The following MUC5B variants were observed in gnomAD, a reference collection of about 807,000 sequenced individuals.
The protein encoded by MUC5B is mucin 5B, oligomeric mucus/gel-forming.
In MUC5B, 116 loss-of-function variants were observed where a neutral mutation model predicts 376.9. The observed-to-expected ratio is 0.31, with a 90% CI of 0.26 to 0.36. The LOEUF (loss-of-function observed/expected upper bound fraction) is 0.36, where lower values mean the gene tolerates loss of function less well. MUC5B is among the 10% of genes least tolerant of loss of function. The pLI, the probability that MUC5B is intolerant of heterozygous loss-of-function variation, is 1.00. For synonymous variants in MUC5B, 3,517 were observed against 3,390.9 expected (o/e 1.04, Z -1.29); for missense variants, 7,165 against 7,769.9 (o/e 0.92, Z 2.93).
rs751955351 is a variant in MUC5B at position 1,227,334 on chromosome 11, C to A, written c.603C>A (p.Asn201Lys). Residue 201 changes from asparagine to lysine, a missense_variant, in exon 6 of 49, where the codon AAC becomes AAA. Asn to Lys is a moderately conservative substitution (Grantham distance 94). Coordinates refer to ENST00000529681, the MANE Select transcript of MUC5B (RefSeq NM_002458.3). ...ALLELDPKYA[N>K]QTCGLCGDFN... ...TGGAGCTGGATCCCAAATACGCCAACCAGACCTGTGGCCTGTGTGGGGACT... is the reference window on the plus strand; with the variant it reads ...TGGAGCTGGATCCCAAATACGCCAAACAGACCTGTGGCCTGTGTGGGGACT... 7 of 1,612,662 alleles carry A rather than the reference C, an allele frequency of 4.3e-6. No homozygotes were observed. In the South Asian group the frequency reaches 7.7e-5, roughly 18 times the overall value.
Position 1,251,301 on chromosome 11 carries a change from C to G in MUC5B, c.14421C>G (p.Ala4807=). Residue 4807 remains alanine, a synonymous_variant, in exon 31 of 49, where the codon GCC becomes GCG. Transcript: ENST00000529681. ...TGACAAGGGCCACCAATTCCACGGC[C>G]ACACCCTCCTCCACTCTGGGGACGA... ...ATMTRATNST[A]TPSSTLGTTR... 1 of 1,611,710 alleles carries G rather than the reference C, an allele frequency of 6.2e-7. No individual in the cohort carries two copies. Among genetic ancestry groups the G allele is most frequent in the South Asian group, 1.1e-5 (1 of 91,040 alleles).
At chr11:1,227,865 C>A in intron 7 of MUC5B, 84 bp downstream of exon 7, 1 of 641,826 alleles carries the variant, frequency 1.6e-6, no homozygotes, top group Non-Finnish European at 2.9e-6. Flanking sequence ...AGGAATGTTC[C>A]CAGCTGGTGG....
rs776789759 is a variant in MUC5B at position 1,249,600 on chromosome 11, C to A, written c.12720C>A (p.Pro4240=). 1.8e-4 allele frequency: 289 copies of A among 1,611,888 alleles called. 1 individual carries two copies. In the South Asian group the frequency reaches 2.9e-3, roughly 16 times the overall value. The change falls in exon 31 of 49, where the codon CCC becomes CCA. Residue 4240 remains proline (P), a synonymous_variant. Transcript: ENST00000529681. ...STPATSSTAM[P]SSTPGTTWIL... ...CGGCCACCAGCTCTACGGCCATGCC[C>A]TCCTCCACTCCGGGGACGACCTGGA... is the stretch of plus-strand genomic sequence containing the variant.
intron 1 of MUC5B, among the ~76,000 whole-genome samples, chr11:1,224,013 G>A (rs1035099908): frequency 1.3e-5 from 2 of 152,266 alleles, no homozygotes; most frequent in Non-Finnish European, 2.9e-5. Context: ...GGTCAGCAGG[G>A]CTGGAGGCAG....
rs1862518768 is a variant in MUC5B at position 1,247,396 on chromosome 11, A to C, written c.10516A>C (p.Thr3506Pro). The C allele has an allele frequency of 1.9e-6, 3 of 1,606,832 alleles. No homozygotes were observed. Among genetic ancestry groups the C allele is most frequent in the South Asian group, 2.2e-5 (2 of 90,652 alleles). The change falls in exon 31 of 49, where the codon ACT becomes CCT. Residue 3506 changes from threonine (T) to proline (P), a missense_variant. Around this residue, in one of 31 missense-constraint regions of MUC5B, gnomAD observed 939 missense variants for 770.6 expected, o/e 1.22. Transcript: ENST00000529681. ...AACCACCAGTACCACCCAGCACTCG[A>C]CTCCAGCCCTGTCCAGCCCTCACCC... is the stretch of plus-strand genomic sequence containing the variant. ...AATTSTTQHSTPALSSPHPSS... is the reference protein window; with the variant it reads ...AATTSTTQHSPPALSSPHPSS...
chr11:1,250,178 C>A lies in MUC5B; in HGVS notation c.13298C>A (p.Ser4433Tyr). ...ACCACAACAGCCACTACGACTGCGT[C>A]CACTGGATCCACGGCCACCCCGTCC... ...ELTTTATTTA[S>Y]TGSTATPSST... Residue 4433 changes from serine to tyrosine, a missense_variant, in exon 31 of 49, where the codon TCC becomes TAC. Physicochemically the swap from Ser to Tyr is moderately radical, Grantham distance 144. Around this residue, in one of 31 missense-constraint regions of MUC5B, gnomAD observed 431 missense variants for 390.4 expected, o/e 1.10. Coordinates refer to ENST00000529681, the MANE Select transcript of MUC5B (RefSeq NM_002458.3). 6.3e-7 allele frequency: 1 copy of A among 1,588,820 alleles called. No homozygotes were observed. The highest frequency in any genetic ancestry group is 8.6e-7 in the Non-Finnish European group (1 of 1,160,332).
At chr11:1,252,659 CAG>C in intron 32 of MUC5B, 135 bp downstream of exon 32, 4 of 1,370,416 alleles carry the variant, frequency 2.9e-6, no homozygotes, top group Non-Finnish European at 3.9e-6. Flanking sequence ...AGGAGGCACA[CAG>C]GGCCTAGGGG....
In MUC5B at chr11:1,261,835, G is replaced by C; in HGVS notation, c.*227G>C. The C allele has an allele frequency of 1.4e-6, 1 of 697,190 alleles. No homozygotes were observed. Among genetic ancestry groups the C allele is most frequent in the Non-Finnish European group, 2.6e-6 (1 of 382,422 alleles). The allele number at this position is 697,190 out of a possible 1,614,324, so 43.2% of individuals were successfully genotyped here. On this transcript the variant is annotated 3_prime_UTR_variant, in exon 49 of 49. Coordinates refer to ENST00000529681, the MANE Select transcript of MUC5B (RefSeq NM_002458.3). ...CACTCAGGAGTCCTACCCTGGGAGA[G>C]CCTGTGGCCCACCTTGGCCTTGCCC...
At chr11:1,252,676 G>A in intron 32 of MUC5B, 133 bp from the exon 33 acceptor site, 1 of 1,399,712 alleles carries the variant, frequency 7.1e-7, no homozygotes, top group Non-Finnish European at 9.6e-7. Flanking sequence ...TAGGGGCCAG[G>A]CTAGCATGGG....
chr11:1,250,764 C>T lies in MUC5B; in HGVS notation c.13884C>T (p.Thr4628=), dbSNP rs369165890. ...GCACAACCACCACACCCACAACCAC[C>T]ACACCCACAACCAGTGGCTCCACGG... The part of the protein sequence containing the change: ...WISTTTTPTT[T]TPTTSGSTVT... Residue 4628 remains threonine (T), a synonymous_variant, in exon 31 of 49, where the codon ACC becomes ACT. Coordinates refer to ENST00000529681, the MANE Select transcript of MUC5B (RefSeq NM_002458.3). 2 of 1,612,294 alleles carry T rather than the reference C, an allele frequency of 1.2e-6. No homozygotes were observed. The highest frequency in any genetic ancestry group is 1.7e-5 in the Admixed American group (1 of 59,936).
rs750432417 is a variant in MUC5B, at chr11:1,251,366, C to A, written c.14486C>A (p.Thr4829Asn). ...LTELTTTATTTAATGSTATLS... is the reference protein window; with the variant it reads ...LTELTTTATTNAATGSTATLS... ...GAGCTGACCACAACAGCCACTACAA[C>A]TGCAGCCACTGGATCCACGGCCACC... is the stretch of plus-strand genomic sequence containing the variant. The change falls in exon 31 of 49, where the codon ACT becomes AAT. Residue 4829 changes from threonine (T) to asparagine (N), a missense_variant. This residue lies in a region of MUC5B where 730 missense variants were observed against 592.7 expected (regional missense o/e 1.23). Coordinates refer to ENST00000529681, the MANE Select transcript of MUC5B (RefSeq NM_002458.3). 1 of 1,608,626 alleles carries A rather than the reference C, an allele frequency of 6.2e-7. No individual in the cohort carries two copies. The highest frequency in any genetic ancestry group is 8.5e-7 in the Non-Finnish European group (1 of 1,176,796).
In MUC5B at chr11:1,242,165, C is replaced by T. The variant is rs61732932; in HGVS notation, c.5285C>T (p.Thr1762Met). The change falls in exon 31 of 49, where the codon ACG becomes ATG. Residue 1762 changes from threonine (T) to methionine (M), a missense_variant. Thr to Met is a moderately conservative substitution (Grantham distance 81). Coordinates refer to ENST00000529681, the MANE Select transcript of MUC5B (RefSeq NM_002458.3). ...TCCACCTCTCAGGCCGAGACCAGCA[C>T]GCCCAGGACAGAGACGACAATGAGC... ...ELSTSQAETS[T>M]PRTETTMSPL... is the part of the protein sequence containing the mutation. The T allele has an allele frequency of 9.2e-4, 1,488 of 1,613,544 alleles. 13 individuals carry two copies. In the African/African-American group the frequency reaches 0.017, roughly 19 times the overall value.
Position 1,250,042 on chromosome 11 carries a change from A to T in MUC5B, c.13162A>T (p.Thr4388Ser), listed in dbSNP as rs1419437816. The T allele has an allele frequency of 4.3e-6, 7 of 1,611,422 alleles. No individual in the cohort carries two copies. The African/African-American group carries it at 9.4e-5, about 22-fold the overall frequency. ...GTCCACCCCCTCCTCCACTCCGGGG[A>T]CGACCTGGATCCTCACAGAGCTGAC... Reference protein sequence around the residue: ...STSTPSSTPGTTWILTELTTA... With the variant: ...STSTPSSTPGSTWILTELTTA... The change falls in exon 31 of 49, where the codon ACG becomes TCG. Residue 4388 changes from threonine (T) to serine (S), a missense_variant. Physicochemically the swap from Thr to Ser is moderately conservative, Grantham distance 58. Transcript: ENST00000529681.
rs764195931 is a variant in MUC5B at position 1,243,695 on chromosome 11, C to T, written c.6815C>T (p.Thr2272Ile). 1.9e-6 allele frequency: 3 copies of T among 1,611,706 alleles called. No individual in the cohort carries two copies. The South Asian group carries it at 3.3e-5, about 18-fold the overall frequency. ...TESPPSPGTT[T>I]PGHTTATSRT... ...TCACCCCCTTCTCCAGGGACGACCA[C>T]CCCGGGCCACACCACGGCCACCTCC... The change falls in exon 31 of 49, where the codon ACC becomes ATC. Residue 2272 changes from threonine (T) to isoleucine (I), a missense_variant. Physicochemically the swap from Thr to Ile is moderately conservative, Grantham distance 89. This residue lies in a region of MUC5B where 79 missense variants were observed against 63.0 expected (regional missense o/e 1.25). Coordinates refer to ENST00000529681, the MANE Select transcript of MUC5B (RefSeq NM_002458.3).
In MUC5B at chr11:1,234,802, G is replaced by A; in HGVS notation, c.2630+122G>A. On this transcript the variant is annotated intron_variant, in intron 21 of 48. Coordinates refer to ENST00000529681, the MANE Select transcript of MUC5B (RefSeq NM_002458.3). The surrounding 1 kb of genome is among the most constrained non-coding windows in gnomAD (Gnocchi z 6.3). ...GAGGGCAGGGGGCCAGCTGGCCAGGGTGAGGTGGGGCCGTGGCAGGAGAGA... is the reference window on the plus strand; with the variant it reads ...GAGGGCAGGGGGCCAGCTGGCCAGGATGAGGTGGGGCCGTGGCAGGAGAGA... 1 of 1,134,100 alleles carries A rather than the reference G, an allele frequency of 8.8e-7. No homozygotes were observed. The highest frequency in any genetic ancestry group is 2.8e-5 in the Admixed American group (1 of 36,296). The allele number at this position is 1,134,100 out of a possible 1,614,324, so 70.3% of individuals were successfully genotyped here.
intron 34 of MUC5B, 109 bp downstream of exon 34, chr11:1,254,460 A>G: frequency 6.8e-7 from 1 of 1,462,468 alleles, no homozygotes; most frequent in South Asian, 1.3e-5. Flanking sequence ...CCCAGTGCCC[A>G]AGACAGCTCC....
chr11:1,234,947 T>A lies in MUC5B; in HGVS notation c.2631-138T>A. On this transcript the variant is annotated intron_variant, in intron 21 of 48. Transcript: ENST00000529681. The surrounding 1 kb of genome is among the most constrained non-coding windows in gnomAD (Gnocchi z 6.3). ...CTGCATTCACAGTGGGGGACACCAC[T>A]TCTTCCACGGAGGAGGGGTCAGGCT... 1.6e-6 allele frequency: 2 copies of A among 1,269,914 alleles called. No homozygotes were observed. Among genetic ancestry groups the A allele is most frequent in the Admixed American group, 2.8e-5 (1 of 35,544 alleles). The allele number at this position is 1,269,914 out of a possible 1,614,324, so 78.7% of individuals were successfully genotyped here.
Position 1,246,419 on chromosome 11 carries a change from C to T in MUC5B, c.9539C>T (p.Thr3180Met), listed in dbSNP as rs369158178. The part of the protein sequence containing the change: ...TATVTVPTGS[T>M]ATASSTRATA... ...ACCGTGACGGTGCCCACCGGATCCA[C>T]GGCCACCGCCTCCTCCACCCGGGCA... The change falls in exon 31 of 49, where the codon ACG (threonine) becomes ATG (methionine). Residue 3180 changes from threonine (T) to methionine (M), a missense_variant. Around this residue, in one of 31 missense-constraint regions of MUC5B, gnomAD observed 939 missense variants for 770.6 expected, o/e 1.22. Transcript: ENST00000529681. 616 of 1,613,268 alleles carry T rather than the reference C, an allele frequency of 3.8e-4. No homozygotes were observed. The highest frequency in any genetic ancestry group is 6.6e-4 in the Middle Eastern group (4 of 6,060).
At position 1,232,635 on chromosome 11, in the gene MUC5B, C is replaced by T. The variant is rs767098916; in HGVS notation, c.1939-9C>T. The T allele has an allele frequency of 2.5e-6, 4 of 1,601,008 alleles. No homozygotes were observed. In the East Asian group the frequency reaches 9.1e-5, roughly 36 times the overall value. On this transcript the variant is annotated splice_polypyrimidine_tract_variant and intron_variant, in intron 16 of 48. Transcript: ENST00000529681. ...GTCCCTGACGCCCCGATGCCTCCCA[C>T]CTCCGCAGAACTGCATGTTTGACAC...
Sources: gnomAD v4.1 joint callset for allele counts (sites outside exome capture counted in the v4.1 genomes callset) on GRCh38, gnomAD v4.1.1 for gene constraint, gnomAD v4.1.1 regional missense constraint, Gnocchi (gnomAD v3.1) non-coding constraint, MANE v1.5 for transcripts, NCBI Gene and HGNC (gene_info 2026-07-23, HGNC 2026-07-21) for gene names.